Variants in MIPOL1 observed in about 807,000 individuals in gnomAD.
MIPOL1 encodes the protein mirror-image polydactyly 1.
In MIPOL1, 57 loss-of-function variants were observed where a neutral mutation model predicts 60.9. The ratio of observed to expected loss-of-function variants is 0.94; its 90% confidence interval spans 0.76 to 1.17. The LOEUF is 1.17. Ranked by LOEUF, MIPOL1 falls within the 50% of genes most tolerant of loss-of-function variation. The probability of loss-of-function intolerance (pLI) is 0.00; values close to 1 mark genes in which losing one functional copy is unlikely to be tolerated. For missense variants in MIPOL1, 551 were observed against 511.6 expected, an observed-to-expected ratio of 1.08 and a Z score of -0.74; for synonymous variants, 179 against 168.8, an observed-to-expected ratio of 1.06 and a Z score of -0.47.
chr14:37,231,685 A>G (rs1266270987), intron 1 of MIPOL1, among the ~76,000 whole-genome samples: 1 of 152,188 alleles, frequency 6.6e-6, no homozygotes, highest in African/African-American at 2.4e-5. Flanking sequence ...CATTATAAAA[A>G]GCATTCTCTC....
intron 7 of MIPOL1, among the ~76,000 whole-genome samples, chr14:37,299,614 A>G (rs2086184198): frequency 6.6e-6 from 1 of 152,064 alleles, no homozygotes; most frequent in South Asian, 2.1e-4. Context: ...TATTTTTTAA[A>G]AAGTGTAGAA....
chr14:37,242,527 C>A (rs1972516440), intron 1 of MIPOL1, among the ~76,000 whole-genome samples: 1 of 152,126 alleles, frequency 6.6e-6, no homozygotes, highest in Non-Finnish European at 1.5e-5. Context: ...AGATCTCTTG[C>A]ATTTATGATA....
intron 11 of MIPOL1, among the ~76,000 whole-genome samples, chr14:37,429,242 C>T (rs1209455705): frequency 6.6e-6 from 1 of 152,048 alleles, no homozygotes; most frequent in Non-Finnish European, 1.5e-5. Context: ...ATGCCTGTTT[C>T]GATGTTTGCT....
intron 10 of MIPOL1, chr14:37,401,312 T>A (rs2153530039): frequency 6.6e-6 from 1 of 152,190 alleles, no homozygotes; most frequent in South Asian, 2.1e-4. Flanking sequence ...AAAATGAAAG[T>A]CCATAGCAAT....
intron 9 of MIPOL1, among the ~76,000 whole-genome samples, chr14:37,323,692 T>A (rs977352909): frequency 6.6e-6 from 1 of 152,084 alleles, no homozygotes; most frequent in Non-Finnish European, 1.5e-5. Flanking sequence ...CATACACCCA[T>A]GTAACCACAT....
At chr14:37,353,793 C>T (rs1365983989) in intron 9 of MIPOL1, among the ~76,000 whole-genome samples, 1 of 152,116 alleles carries the variant, frequency 6.6e-6, no homozygotes, top group African/African-American at 2.4e-5. Context: ...TGATTCTTCT[C>T]TCTTTTTTTC....
chr14:37,542,908 C>G lies in MIPOL1; in HGVS notation c.1263-3997C>G, dbSNP rs578232900. 2.1e-3 allele frequency among the ~76,000 whole-genome samples: 313 copies of G among 152,302 alleles called. 1 individual carries two copies. Among genetic ancestry groups the G allele is most frequent in the Middle Eastern group, 3.4e-3 (1 of 294 alleles). ...CCTAATATTCTCTCTTTAACACAGA[C>G]TCTTATATACAAGTGTCTGCTTAAC... is the stretch of plus-strand genomic sequence containing the variant. On this transcript the variant is annotated intron_variant, in intron 12 of 12. Transcript: ENST00000684589.
At chr14:37,207,561 T>G (rs916368312) in intron 1 of MIPOL1, among the ~76,000 whole-genome samples, 2 of 149,188 alleles carry the variant, frequency 1.3e-5, no homozygotes, top group South Asian at 4.2e-4. Context: ...ATTATTATTT[T>G]TTGAGATGGA....
At chr14:37,387,374 G>T (rs2153516282) in intron 10 of MIPOL1, among the ~76,000 whole-genome samples, 1 of 151,956 alleles carries the variant, frequency 6.6e-6, no homozygotes, top group African/African-American at 2.4e-5. Context: ...TTGATCAGAT[G>T]AAACAACTAC....
chr14:37,232,228 A>G (rs1970745958), intron 1 of MIPOL1, among the ~76,000 whole-genome samples: 1 of 152,228 alleles, frequency 6.6e-6, no homozygotes, highest in African/African-American at 2.4e-5. Flanking sequence ...AATACCTAGA[A>G]AATAGAAGTT....
chr14:37,499,220 T>G (rs1308735410), intron 11 of MIPOL1, among the ~76,000 whole-genome samples: 1 of 152,128 alleles, frequency 6.6e-6, no homozygotes, highest in Admixed American at 6.5e-5. Flanking sequence ...CCTTTAGCAT[T>G]TTAGGATTCT....
At chr14:37,349,776 T>C (rs1201023524) in intron 9 of MIPOL1, among the ~76,000 whole-genome samples, 1 of 152,166 alleles carries the variant, frequency 6.6e-6, no homozygotes, top group African/African-American at 2.4e-5. Context: ...TTGTCTCTTT[T>C]CCCCAACTAG....
At chr14:37,448,140 C>G (rs1475548270) in intron 11 of MIPOL1, among the ~76,000 whole-genome samples, 20 of 152,208 alleles carry the variant, frequency 1.3e-4, no homozygotes, top group Admixed American at 1.3e-3. Context: ...AAAACTGTTT[C>G]ATAATTATTA....
At chr14:37,399,734 T>C (rs941627708) in intron 10 of MIPOL1, 3 of 152,222 alleles carry the variant, frequency 2.0e-5, no homozygotes, top group African/African-American at 7.2e-5. Context: ...CCATAAATTA[T>C]GCTTGCTCAC....
intron 9 of MIPOL1, among the ~76,000 whole-genome samples, chr14:37,315,120 C>G (rs1038805969): frequency 6.6e-6 from 1 of 152,086 alleles, no homozygotes; most frequent in Non-Finnish European, 1.5e-5. Context: ...ATAGGGTGAT[C>G]AAGGCAGGCC....
At chr14:37,341,519 T>TA (rs2090572762) in intron 9 of MIPOL1, among the ~76,000 whole-genome samples, 1 of 152,254 alleles carries the variant, frequency 6.6e-6, no homozygotes, top group Non-Finnish European at 1.5e-5. Context: ...GTTCCTTTTT[T>TA]ATCTTTGTTA....
At chr14:37,494,933 A>G (rs1029985482) in intron 11 of MIPOL1, among the ~76,000 whole-genome samples, 5 of 152,050 alleles carry the variant, frequency 3.3e-5, no homozygotes, top group Non-Finnish European at 1.5e-5. Flanking sequence ...TGCGGGTACA[A>G]TCCAAACATG....
At chr14:37,496,190 T>C (rs895296950) in intron 11 of MIPOL1, among the ~76,000 whole-genome samples, 2 of 150,026 alleles carry the variant, frequency 1.3e-5, no homozygotes, top group African/African-American at 4.9e-5. Flanking sequence ...CCACAGCCAA[T>C]ATCATACTGA....
At chr14:37,207,744 C>CT (rs1258341800) in intron 1 of MIPOL1, among the ~76,000 whole-genome samples, 11,070 of 151,978 alleles carry the variant, frequency 0.073, 1,352 homozygotes, top group African/African-American at 0.25. Context: ...TGGGGTTTTA[C>CT]CACATTGGCC....
Sources: gnomAD v4.1 joint callset for allele counts (sites outside exome capture counted in the v4.1 genomes callset) on GRCh38, gnomAD v4.1.1 for gene constraint, MANE v1.5 for transcripts, NCBI Gene and HGNC (gene_info 2026-07-23, HGNC 2026-07-21) for gene names.